The following ACAD10 variants were observed in gnomAD, a reference collection of about 807,000 sequenced individuals.
ACAD10 encodes acyl-CoA dehydrogenase family member 10, also known as ACAD-10.
ACAD10 carries 112 observed loss-of-function variants against 116.8 expected under a neutral mutation model. The observed-to-expected ratio is 0.96, with a 90% CI of 0.82 to 1.12. The LOEUF is 1.12. Among genes scored for constraint, ACAD10 ranks in the 50% most tolerant of loss-of-function variants. The pLI, the probability that ACAD10 is intolerant of heterozygous loss-of-function variation, is 0.00. For missense variants in ACAD10, 1,259 were observed against 1,350.2 expected (o/e 0.93, Z 1.06); for synonymous variants, 486 against 510.6 (o/e 0.95, Z 0.65).
rs776806642 is a variant in ACAD10 at position 111,736,833 on chromosome 12, A to AAAGTCTGTCT, written c.1543_1544insAAGTCTGTCT (p.Ile515LysfsTer5). On this transcript the variant is annotated frameshift_variant, in exon 12 of 21. Coordinates refer to ENST00000313698, the MANE Select transcript of ACAD10 (RefSeq NM_025247.6). LOFTEE classifies it high-confidence loss of function. ...GAATGGCTCTGTCTTTCTCGCAGGT[A>AAAGTCTGTCT]TTAATGACTGTGACTTGACACAGCT... is the stretch of plus-strand genomic sequence containing the variant. The AAAGTCTGTCT allele has an allele frequency of 1.2e-6, 2 of 1,613,212 alleles. No homozygotes were observed. Among genetic ancestry groups the AAAGTCTGTCT allele is most frequent in the Admixed American group, 3.3e-5 (2 of 59,842 alleles).
At chr12:111,728,253 G>C in intron 9 of ACAD10, 110 bp downstream of exon 9, 5 of 1,076,074 alleles carry the variant, frequency 4.6e-6, no homozygotes, top group Non-Finnish European at 6.5e-6. Flanking sequence ...CAAGCGTAAG[G>C]CAGACTTAGC....
chr12:111,699,230 G>T (rs1337882812), intron 2 of ACAD10, among the ~76,000 whole-genome samples: 1 of 152,078 alleles, frequency 6.6e-6, no homozygotes, highest in Admixed American at 6.6e-5. Context: ...TTCTGACTTG[G>T]ATATTTACTG....
In ACAD10 at chr12:111,692,574, T is replaced by A. The variant is rs1044468452; in HGVS notation, c.-13-123T>A. The A allele has an allele frequency of 2.5e-5, 23 of 929,976 alleles. 1 individual carries two copies. Among genetic ancestry groups the A allele is most frequent in the Middle Eastern group, 3.5e-4 (1 of 2,868 alleles). The allele number at this position is 929,976 out of a possible 1,614,324, so 57.6% of individuals were successfully genotyped here. A position where few individuals can be genotyped will look rare whatever the true frequency, so the allele number is the denominator to read the frequency against. On this transcript the variant is annotated intron_variant, in intron 1 of 20. Transcript: ENST00000313698. ...GAGACACTGAGGTCAGTTGTGGGTG[T>A]GATTCGAAGTGCCTGTTGGAGATGG...
chr12:111,746,360 C>A, intron 14 of ACAD10, 76 bp downstream of exon 14: 1 of 1,470,398 alleles, frequency 6.8e-7, no homozygotes, highest in Non-Finnish European at 9.1e-7. Flanking sequence ...AACAGATAAA[C>A]CAGATTCAGA....
chr12:111,749,226 G>A lies in ACAD10; in HGVS notation c.2698G>A (p.Val900Ile). The part of the protein sequence containing the change: ...EHVRVPKENM[V>I]LGPGRGFEIA... ...CGTGCGTGTGCCCAAAGAGAACATG[G>A]TCCTGGGCCCTGGCCGAGGCTTTGA... The change falls in exon 18 of 21, where the codon GTC becomes ATC. Residue 900 changes from valine to isoleucine, a missense_variant. Physicochemically the swap from Val to Ile is conservative, Grantham distance 29. Transcript: ENST00000313698. 6.2e-7 allele frequency: 1 copy of A among 1,614,124 alleles called. No homozygotes were observed. The highest frequency in any genetic ancestry group is 8.5e-7 in the Non-Finnish European group (1 of 1,180,022).
chr12:111,737,112 T>G, intron 12 of ACAD10, 108 bp downstream of exon 12: 1 of 982,026 alleles, frequency 1.0e-6, no homozygotes, highest in Non-Finnish European at 1.4e-6. Flanking sequence ...AGAGACCGAT[T>G]TGGCCAGGAT....
intron 3 of ACAD10, among the ~76,000 whole-genome samples, chr12:111,703,448 A>T (rs1296181670): frequency 6.6e-6 from 1 of 152,236 alleles, no homozygotes; most frequent in Non-Finnish European, 1.5e-5. Flanking sequence ...CTACTAAAAT[A>T]TAATTTAAAA....
intron 8 of ACAD10, among the ~76,000 whole-genome samples, chr12:111,723,000 T>G (rs1000328510): frequency 2.1e-5 from 3 of 146,180 alleles, no homozygotes; most frequent in African/African-American, 5.1e-5. Flanking sequence ...ACGGGGCGGG[T>G]GGCCGGGCGG....
intron 7 of ACAD10, among the ~76,000 whole-genome samples, chr12:111,718,198 C>T (rs956517132): frequency 4.0e-5 from 6 of 151,754 alleles, no homozygotes; most frequent in African/African-American, 9.7e-5. Flanking sequence ...TATAGTCACA[C>T]GCCACCATGT....
Position 111,755,681 on chromosome 12 carries a change from A to G in ACAD10, c.2975A>G (p.Asp992Gly), listed in dbSNP as rs906868515. 3 of 1,613,618 alleles carry G rather than the reference A, an allele frequency of 1.9e-6. No homozygotes were observed. Among genetic ancestry groups the G allele is most frequent in the Admixed American group, 1.7e-5 (1 of 59,956 alleles). ...DLAGNKAAAL[D>G]IAMIKMVAPS... ...TCCTCCTTACAGGCTGCAGCCTTGG[A>G]TATAGCCATGATTAAAATGGTCGCC... Residue 992 changes from aspartate to glycine, a missense_variant, in exon 20 of 21, where the codon GAT becomes GGT. By Grantham distance (94) the Asp-to-Gly change is moderately conservative. Coordinates refer to ENST00000313698, the MANE Select transcript of ACAD10 (RefSeq NM_025247.6).
chr12:111,721,844 G>T (rs987457271), intron 8 of ACAD10, 105 bp downstream of exon 8: 39 of 937,710 alleles, frequency 4.2e-5, no homozygotes, highest in Non-Finnish European at 1.8e-5. Flanking sequence ...AATTTGGGTA[G>T]GAGGGAAAAG....
chr12:111,687,307 G>A (rs1196024164), intron 1 of ACAD10, among the ~76,000 whole-genome samples: 1 of 152,084 alleles, frequency 6.6e-6, no homozygotes, highest in Non-Finnish European at 1.5e-5. Context: ...GTTTAAATCA[G>A]GGTTTCTCAA....
At chr12:111,713,204 G>A (rs781233136) in intron 6 of ACAD10, among the ~76,000 whole-genome samples, 4 of 150,306 alleles carry the variant, frequency 2.7e-5, no homozygotes, top group African/African-American at 7.4e-5. Flanking sequence ...CCAGATACTC[G>A]GGAGGCTGAG....
In ACAD10 at chr12:111,756,181, C is replaced by T. The variant is rs929544547; in HGVS notation, c.3040-152C>T. ...ATGGCAGGTGTGGCCCCATGGAAGCCCTCTGGAATATTAGTGATTGTATCA... is the reference window on the plus strand; with the variant it reads ...ATGGCAGGTGTGGCCCCATGGAAGCTCTCTGGAATATTAGTGATTGTATCA... On this transcript the variant is annotated intron_variant, in intron 20 of 20. Transcript: ENST00000313698. The T allele has an allele frequency of 3.5e-6, 5 of 1,429,506 alleles. No individual in the cohort carries two copies. The African/African-American group carries it at 7.2e-5, about 21-fold the overall frequency. 88.6% of individuals were successfully genotyped at this position (1,429,506 alleles called of 1,614,324 possible).
At chr12:111,710,492 G>T in intron 5 of ACAD10, 1 of 236,774 alleles carries the variant, frequency 4.2e-6, no homozygotes, top group Non-Finnish European at 8.5e-6. Context: ...AGAGGGTATT[G>T]TGAAATTTTT....
At chr12:111,723,589 G>A (rs1239827034) in intron 8 of ACAD10, among the ~76,000 whole-genome samples, 1 of 142,104 alleles carries the variant, frequency 7.0e-6, no homozygotes, top group Non-Finnish European at 1.6e-5. Context: ...CTGGCCGGGT[G>A]GGGGGCTGAC....
chr12:111,710,497 A>T (rs1409364439), intron 5 of ACAD10: 18 of 211,736 alleles, frequency 8.5e-5, no homozygotes, highest in South Asian at 2.3e-4. Flanking sequence ...GTATTGTGAA[A>T]TTTTTTTTTT....
At chr12:111,722,034 A>G in intron 8 of ACAD10, 1 of 222,036 alleles carries the variant, frequency 4.5e-6, no homozygotes, top group Non-Finnish European at 8.7e-6. Context: ...GTCTTTCTAA[A>G]CTGTTTTGTT....
intron 18 of ACAD10, among the ~76,000 whole-genome samples, chr12:111,751,566 A>G (rs886833683): frequency 6.6e-6 from 1 of 152,006 alleles, no homozygotes; most frequent in Admixed American, 6.6e-5. Flanking sequence ...CCCCGTCTCT[A>G]CTAAAAATAC....
Sources: gnomAD v4.1 joint callset for allele counts (sites outside exome capture counted in the v4.1 genomes callset) on GRCh38, gnomAD v4.1.1 for gene constraint, MANE v1.5 for transcripts, NCBI Gene and HGNC (gene_info 2026-07-23, HGNC 2026-07-21) for gene names.